LRRC24: variants seen among roughly 807,000 people sequenced by gnomAD.
The protein encoded by LRRC24 is leucine-rich repeat-containing protein 24.
A neutral mutation model predicts 15.3 loss-of-function variants in LRRC24; 19 were observed. The ratio of observed to expected loss-of-function variants is 1.25; its 90% CI spans 0.87 to 1.83. The LOEUF is 1.83. Among genes scored for constraint, LRRC24 ranks in the 40% most tolerant of loss-of-function variants. The probability of loss-of-function intolerance (pLI) is 0.00; values close to 1 mark genes in which losing one functional copy is unlikely to be tolerated. For synonymous variants in LRRC24, 469 were observed against 359.6 expected (o/e 1.30, Z -3.44); for missense variants, 914 against 723.9 (o/e 1.26, Z -3.01).
chr8:144,524,090 G>A lies in LRRC24; in HGVS notation c.607+20C>T, dbSNP rs915190997. On this transcript the variant is annotated intron_variant, in intron 4 of 4. Transcript: ENST00000529415. Reference sequence around the variant, plus strand: ...CCAACACCGTGGCCCAGACAGAGACGCTTTCCGAGGAAGAGGTACCTGTGA... The same window carrying A: ...CCAACACCGTGGCCCAGACAGAGACACTTTCCGAGGAAGAGGTACCTGTGA... 3 of 1,591,002 alleles carry A rather than the reference G, an allele frequency of 1.9e-6. No individual in the cohort carries two copies. Among genetic ancestry groups the A allele is most frequent in the Non-Finnish European group, 2.6e-6 (3 of 1,164,236 alleles).
In LRRC24 at chr8:144,523,164, C is replaced by G. The variant is rs1816196520; in HGVS notation, c.853G>C (p.Gly285Arg). ...EDLRVACQASGYPQPLVTWRK... is the reference protein window; with the variant it reads ...EDLRVACQASRYPQPLVTWRK... ...CAGGTCACCAATGGCTGCGGGTAGC[C>G]GGAGGCTTGGCAGGCAACCCGCAGG... The change falls in exon 5 of 5, where the codon GGC becomes CGC. Residue 285 changes from glycine (G) to arginine (R), a missense_variant. Gly to Arg is a moderately radical substitution (Grantham distance 125). Coordinates refer to ENST00000529415, the MANE Select transcript of LRRC24 (RefSeq NM_001024678.4). The G allele has an allele frequency of 4.3e-6, 7 of 1,610,676 alleles. No individual in the cohort carries two copies. The highest frequency in any genetic ancestry group is 5.9e-6 in the Non-Finnish European group (7 of 1,179,194).
chr8:144,522,649 G>A lies in LRRC24; in HGVS notation c.1368C>T (p.Phe456=), dbSNP rs2130786245. ...CGTCGCGGAGCTCCTCTAGCTGTGC[G>A]AACGTACAGGGGCCGTCCAAGTAGT... is the stretch of plus-strand genomic sequence containing the variant. ...VNDYLDGPCT[F]AQLEELRDER... The change falls in exon 5 of 5, where the codon TTC becomes TTT. Residue 456 remains phenylalanine, a synonymous_variant. Coordinates refer to ENST00000529415, the MANE Select transcript of LRRC24 (RefSeq NM_001024678.4). The A allele has an allele frequency of 6.3e-7, 1 of 1,586,622 alleles. No homozygotes were observed. Among genetic ancestry groups the A allele is most frequent in the East Asian group, 2.4e-5 (1 of 41,982 alleles).
chr8:144,523,237 G>A lies in LRRC24; in HGVS notation c.780C>T (p.Pro260=). 6.2e-7 allele frequency: 1 copy of A among 1,610,366 alleles called. No individual in the cohort carries two copies. Among genetic ancestry groups the A allele is most frequent in the Non-Finnish European group, 8.5e-7 (1 of 1,178,958 alleles). ...GCTCCAGCGGCTGCACGTGGACAGA[G>A]GGCGGAATGCAGATGAGGCTGCTGT... ...VSHSSLICIP[P]SVHVQPLELT... is the part of the protein sequence containing the mutation. The change falls in exon 5 of 5, where the codon CCC becomes CCT. Residue 260 remains proline, a synonymous_variant. Coordinates refer to ENST00000529415, the MANE Select transcript of LRRC24 (RefSeq NM_001024678.4).
rs1321109857 is a variant in LRRC24, at chr8:144,524,538, C to T, written c.341G>A (p.Arg114His). The T allele has an allele frequency of 2.5e-6, 4 of 1,582,178 alleles. No homozygotes were observed. The highest frequency in any genetic ancestry group is 3.4e-6 in the Non-Finnish European group (4 of 1,173,092). Residue 114 changes from arginine to histidine, a missense_variant, in exon 3 of 5, where the codon CGC becomes CAC. Transcript: ENST00000529415. ...GGCCAGGCCTACGAAGGCGCCGCTGCGCAAGCCGCGCAGCCGGTTGCTAGT... is the reference window on the plus strand; with the variant it reads ...GGCCAGGCCTACGAAGGCGCCGCTGTGCAAGCCGCGCAGCCGGTTGCTAGT... ...ALTSNRLRGL[R>H]SGAFVGLAQL...
In LRRC24 at chr8:144,522,794, G is replaced by A. The variant is rs1195839123; in HGVS notation, c.1223C>T (p.Ala408Val). 1.3e-6 allele frequency: 2 copies of A among 1,545,238 alleles called. No homozygotes were observed. The highest frequency in any genetic ancestry group is 3.8e-5 in the Admixed American group (2 of 52,078). The stretch of plus-strand genomic sequence containing the variant: ...GAGCGCCAGCAGCGCGATGGCCGCC[G>A]CAATGGCCGTCTGTGTGGCCACGCC... ...ALGVATQTAI[A>V]AAIALLALTA... The change falls in exon 5 of 5, where the codon GCG (alanine) becomes GTG (valine). Residue 408 changes from alanine (A) to valine (V), a missense_variant. Ala to Val is a moderately conservative substitution (Grantham distance 64). Transcript: ENST00000529415.
At position 144,524,615 on chromosome 8, in the gene LRRC24, G is replaced by A. The variant is rs1816283126; in HGVS notation, c.264C>T (p.Ala88=). 6.6e-6 allele frequency: 10 copies of A among 1,524,188 alleles called. No homozygotes were observed. Among genetic ancestry groups the A allele is most frequent in the Non-Finnish European group, 8.7e-6 (10 of 1,144,016 alleles). The allele number at this position is 1,524,188 out of a possible 1,614,324, so 94.4% of individuals were successfully genotyped here. ...RLYLHNNSLR[A]LEAGAFRAQP... is the part of the protein sequence containing the mutation. ...GCGCGCGGAAGGCGCCGGCCTCCAGGGCGCGCAGGCTGTTGTTGTGCAGGT... is the reference window on the plus strand; with the variant it reads ...GCGCGCGGAAGGCGCCGGCCTCCAGAGCGCGCAGGCTGTTGTTGTGCAGGT... Residue 88 remains alanine (A), a synonymous_variant, in exon 3 of 5, where the codon GCC becomes GCT. Transcript: ENST00000529415.
At chr8:144,524,391 G>A (rs1816268311) in intron 3 of LRRC24, 50 bp downstream of exon 3, 4 of 1,594,170 alleles carry the variant, frequency 2.5e-6, no homozygotes, top group African/African-American at 2.7e-5. Flanking sequence ...GCCCTACAGG[G>A]CGAGGGGCCA....
intron 4 of LRRC24, 153 bp downstream of exon 4, chr8:144,523,957 C>T (rs1416875895): frequency 3.1e-5 from 27 of 864,652 alleles, no homozygotes; most frequent in Non-Finnish European, 4.9e-5. Flanking sequence ...CCAGCACACC[C>T]ACTCCCGCAG....
intron 3 of LRRC24, 24 bp downstream of exon 3, chr8:144,524,417 C>T (rs1816270613): frequency 6.3e-7 from 1 of 1,596,632 alleles, no homozygotes; most frequent in Non-Finnish European, 8.5e-7. Flanking sequence ...GAGTATCCCG[C>T]CCCTTTAGAC....
rs1045126686 is a variant in LRRC24 at position 144,523,042 on chromosome 8, C to T, written c.975G>A (p.Thr325=). The T allele has an allele frequency of 2.6e-5, 42 of 1,602,400 alleles. No individual in the cohort carries two copies. The highest frequency in any genetic ancestry group is 2.5e-4 in the Admixed American group (15 of 59,178). Reference sequence around the variant, plus strand: ...TGCTGAGGAAGAGCATGCCGCTGCCCGTGTCGGATGCCGAGTGTCCGCCCA... The same window carrying T: ...TGCTGAGGAAGAGCATGCCGCTGCCTGTGTCGGATGCCGAGTGTCCGCCCA... The part of the protein sequence containing the change: ...LGLGGHSASD[T]GSGMLFLSNI... Residue 325 remains threonine, a synonymous_variant, in exon 5 of 5, where the codon ACG becomes ACA. Coordinates refer to ENST00000529415, the MANE Select transcript of LRRC24 (RefSeq NM_001024678.4).
intron 1 of LRRC24, among the ~76,000 whole-genome samples, chr8:144,525,535 G>T: frequency 6.6e-6 from 1 of 152,322 alleles, no homozygotes; most frequent in Middle Eastern, 3.4e-3. Context: ...GTTATCCTGT[G>T]GGGGCCTGGG....
chr8:144,524,663 T>G lies in LRRC24; in HGVS notation c.216A>C (p.Pro72=). The G allele has an allele frequency of 6.7e-7, 1 of 1,492,838 alleles. No homozygotes were observed. Among genetic ancestry groups the G allele is most frequent in the Non-Finnish European group, 8.8e-7 (1 of 1,131,686 alleles). 92.5% of individuals were successfully genotyped at this position (1,492,838 alleles called of 1,614,324 possible). A position where few individuals can be genotyped will look rare whatever the true frequency, so the allele number is the denominator to read the frequency against. Residue 72 remains proline, a synonymous_variant, in exon 3 of 5, where the codon CCA becomes CCC. Transcript: ENST00000529415. ...IARLEPGALA[P]LAALRRLYLH... is the part of the protein sequence containing the mutation. ...GGTAGAGCCGGCGCAGAGCGGCGAG[T>G]GGCGCCAGGGCTCCCGGCTCTAGGC...
chr8:144,525,418 G>T (rs755609177), intron 1 of LRRC24, among the ~76,000 whole-genome samples: 3 of 152,218 alleles, frequency 2.0e-5, no homozygotes, highest in Non-Finnish European at 2.9e-5. Flanking sequence ...GAAGCTGGAA[G>T]TACAGGGTAT....
chr8:144,524,710 G>C lies in LRRC24; in HGVS notation c.169C>G (p.Leu57Val). 1 of 1,457,134 alleles carries C rather than the reference G, an allele frequency of 6.9e-7. No homozygotes were observed. The highest frequency in any genetic ancestry group is 9.0e-7 in the Non-Finnish European group (1 of 1,112,900). The allele number at this position is 1,457,134 out of a possible 1,614,324, so 90.3% of individuals were successfully genotyped here. A position where few individuals can be genotyped will look rare whatever the true frequency, so the allele number is the denominator to read the frequency against. ...AGGCGGGCGATGTTGTTGTCCTGCA[G>C]GAACAGTGTCTGCAGGCCGGGGAAA... ...GIPPGTQTLF[L>V]QDNNIARLEP... The change falls in exon 3 of 5, where the codon CTG (leucine) becomes GTG (valine). Residue 57 changes from leucine to valine, a missense_variant. Coordinates refer to ENST00000529415, the MANE Select transcript of LRRC24 (RefSeq NM_001024678.4).
Position 144,524,681 on chromosome 8 carries a change from C to A in LRRC24, c.198G>T (p.Glu66Asp). Residue 66 changes from glutamate to aspartate, a missense_variant, in exon 3 of 5, where the codon GAG (glutamate) becomes GAT (aspartate). Physicochemically the swap from Glu to Asp is conservative, Grantham distance 45 (BLOSUM62 2). Transcript: ENST00000529415. ...CGGCGAGTGGCGCCAGGGCTCCCGG[C>A]TCTAGGCGGGCGATGTTGTTGTCCT... ...FLQDNNIARL[E>D]PGALAPLAAL... The A allele has an allele frequency of 6.8e-7, 1 of 1,475,940 alleles. No individual in the cohort carries two copies. Among genetic ancestry groups the A allele is most frequent in the Admixed American group, 2.6e-5 (1 of 37,822 alleles). The allele number at this position is 1,475,940 out of a possible 1,614,324, so 91.4% of individuals were successfully genotyped here.
intron 4 of LRRC24, 27 bp from the exon 5 acceptor site, chr8:144,523,436 G>C: frequency 3.3e-6 from 5 of 1,508,030 alleles, no homozygotes; most frequent in Non-Finnish European, 4.4e-6. Context: ...TTAGGCAGGT[G>C]GCTTGAGGGT....
rs993912922 is a variant in LRRC24 at position 144,524,856 on chromosome 8, C to A, written c.119G>T (p.Arg40Leu). Residue 40 changes from arginine to leucine, a missense_variant, in exon 2 of 5, where the codon CGG becomes CTG. By Grantham distance (102) the Arg-to-Leu change is moderately radical. Transcript: ENST00000529415. ...GATTCCCAGCGGGACGACGCGCAACCGCAGGGCGCCACACTCCACCGTGGC... is the reference window on the plus strand; with the variant it reads ...GATTCCCAGCGGGACGACGCGCAACAGCAGGGCGCCACACTCCACCGTGGC... ...YSATVECGAL[R>L]LRVVPLGIPP... The A allele has an allele frequency of 3.3e-6, 5 of 1,493,922 alleles. No homozygotes were observed. Among genetic ancestry groups the A allele is most frequent in the Non-Finnish European group, 4.5e-6 (5 of 1,121,468 alleles). The allele number at this position is 1,493,922 out of a possible 1,614,324, so 92.5% of individuals were successfully genotyped here. A position where few individuals can be genotyped will look rare whatever the true frequency, so the allele number is the denominator to read the frequency against.
chr8:144,522,497 A>C lies in LRRC24; in HGVS notation c.1520T>G (p.Val507Gly). The C allele has an allele frequency of 6.7e-7, 1 of 1,497,054 alleles. No individual in the cohort carries two copies. Among genetic ancestry groups the C allele is most frequent in the East Asian group, 2.7e-5 (1 of 36,474 alleles). 92.7% of individuals were successfully genotyped at this position (1,497,054 alleles called of 1,614,324 possible). The change falls in exon 5 of 5, where the codon GTC becomes GGC. Residue 507 changes from valine (V) to glycine (G), a missense_variant. Physicochemically the swap from Val to Gly is moderately radical, Grantham distance 109. Transcript: ENST00000529415. Reference protein sequence around the residue: ...AGPGLRVPPPVAYEIHC With the variant: ...AGPGLRVPPPGAYEIHC ...GCCCTAGCAGTGGATCTCGTAGGCGACCGGCGGGGGCACGCGGAGTCCCGG... is the reference window on the plus strand; with the variant it reads ...GCCCTAGCAGTGGATCTCGTAGGCGCCCGGCGGGGGCACGCGGAGTCCCGG...
rs1317331142 is a variant in LRRC24 at position 144,524,622 on chromosome 8, A to G, written c.257T>C (p.Leu86Pro). 12 of 1,523,216 alleles carry G rather than the reference A, an allele frequency of 7.9e-6. No homozygotes were observed. The highest frequency in any genetic ancestry group is 1.4e-5 in the African/African-American group (1 of 71,306). The allele number at this position is 1,523,216 out of a possible 1,614,324, so 94.4% of individuals were successfully genotyped here. The change falls in exon 3 of 5, where the codon CTG becomes CCG. Residue 86 changes from leucine (L) to proline (P), a missense_variant. By Grantham distance (98) the Leu-to-Pro change is moderately conservative. Coordinates refer to ENST00000529415, the MANE Select transcript of LRRC24 (RefSeq NM_001024678.4). ...LRRLYLHNNS[L>P]RALEAGAFRA... ...GAAGGCGCCGGCCTCCAGGGCGCGC[A>G]GGCTGTTGTTGTGCAGGTAGAGCCG... is the stretch of plus-strand genomic sequence containing the variant.
Sources: allele counts gnomAD v4.1 joint callset (sites outside exome capture counted in the v4.1 genomes callset), GRCh38; gene constraint gnomAD v4.1.1; transcripts MANE v1.5; gene names NCBI Gene and HGNC (gene_info 2026-07-23, HGNC 2026-07-21).